The following NUDT5 variants were observed in gnomAD, a reference collection of about 807,000 sequenced individuals.
NUDT5 encodes ADP-sugar pyrophosphatase.
NUDT5 carries 21 observed loss-of-function variants against 34.1 expected under a neutral mutation model. The ratio of observed to expected loss-of-function variants is 0.62; its 90% CI spans 0.44 to 0.89. The LOEUF (loss-of-function observed/expected upper bound fraction) is 0.89, where lower values mean the gene tolerates loss of function less well. NUDT5 is among the 40% of genes least tolerant of loss of function. The probability of loss-of-function intolerance (pLI) is 0.00; values close to 1 mark genes in which losing one functional copy is unlikely to be tolerated. For missense variants in NUDT5, 249 were observed against 274.8 expected (o/e 0.91, Z 0.66); for synonymous variants, 85 against 97.6 (o/e 0.87, Z 0.76).
chr10:12,189,267 G>C (rs188635190), intron 1 of NUDT5, among the ~76,000 whole-genome samples: 1 of 152,040 alleles, frequency 6.6e-6, no homozygotes, highest in Non-Finnish European at 1.5e-5. Flanking sequence ...CACTGCACCC[G>C]GCTAATTTTT....
intron 1 of NUDT5, among the ~76,000 whole-genome samples, chr10:12,189,726 A>C (rs965931866): frequency 6.6e-6 from 1 of 152,236 alleles, no homozygotes; most frequent in African/African-American, 2.4e-5. Context: ...CGTCTCCGCC[A>C]CTGCAACGGA....
chr10:12,188,309 A>G (rs1333663363), intron 1 of NUDT5, among the ~76,000 whole-genome samples: 1 of 152,236 alleles, frequency 6.6e-6, no homozygotes, highest in African/African-American at 2.4e-5. Flanking sequence ...ATTCTAAAAT[A>G]CAATCAATAA....
intron 2 of NUDT5, among the ~76,000 whole-genome samples, chr10:12,185,428 TC>T (rs1432005573): frequency 6.6e-6 from 1 of 152,222 alleles, no homozygotes; most frequent in African/African-American, 2.4e-5. Flanking sequence ...ACAGGGTCCA[TC>T]CAGGATTGGA....
chr10:12,185,880 A>C (rs1047076661), intron 2 of NUDT5, among the ~76,000 whole-genome samples: 10 of 152,210 alleles, frequency 6.6e-5, no homozygotes, highest in African/African-American at 2.4e-4. Flanking sequence ...GTTCTTAAAC[A>C]CTCATGTTAG....
chr10:12,182,133 T>TTA lies in NUDT5; in HGVS notation c.131+2755_131+2756insTA, dbSNP rs1554803231. 5.5e-5 allele frequency among the ~76,000 whole-genome samples: 7 copies of TTA among 126,484 alleles called. No individual in the cohort carries two copies. The highest frequency in any genetic ancestry group is 2.3e-4 in the African/African-American group (7 of 30,242). The allele number at this position is 126,484 out of a possible 152,430, so 83.0% of individuals were successfully genotyped here. On this transcript the variant is annotated intron_variant, in intron 3 of 9. Transcript: ENST00000491614. This position sits in a 1 kb window ranked among gnomAD's most constrained non-coding sequence, Gnocchi z 4.3. The stretch of plus-strand genomic sequence containing the variant: ...AACAGAACAAGACTCTGTCTCAGGG[T>TTA]AAAAAAAAAAAAAAAGAAGGATATA...
Position 12,181,665 on chromosome 10 carries a change from G to A in NUDT5, c.132-2533C>T, listed in dbSNP as rs1835042998. ...CCCTCTGTGGGAGTACCTGCAGAGG[G>A]AAGTCGCCGTGTGCGTGCAAAGGAT... On this transcript the variant is annotated intron_variant, in intron 3 of 9. Coordinates refer to ENST00000491614, the MANE Select transcript of NUDT5 (RefSeq NM_014142.4). This position sits in a 1 kb window ranked among gnomAD's most constrained non-coding sequence, Gnocchi z 5.0. 6.6e-6 allele frequency among the ~76,000 whole-genome samples: 1 copy of A among 152,050 alleles called. No homozygotes were observed. The highest frequency in any genetic ancestry group is 2.4e-5 in the African/African-American group (1 of 41,392).
intron 7 of NUDT5, among the ~76,000 whole-genome samples, chr10:12,172,143 A>G (rs1834869354): frequency 6.6e-6 from 1 of 152,200 alleles, no homozygotes; most frequent in Admixed American, 6.6e-5. Context: ...ACATATAAAT[A>G]CCCCCTTTAA....
At chr10:12,195,607 C>T (rs1437089571) in intron 1 of NUDT5, among the ~76,000 whole-genome samples, 163 bp downstream of exon 1, 1 of 152,242 alleles carries the variant, frequency 6.6e-6, no homozygotes, top group Non-Finnish European at 1.5e-5. Flanking sequence ...CACAATTTCC[C>T]TCCAATCCCC....
chr10:12,177,459 C>T lies in NUDT5; in HGVS notation c.289+334G>A, dbSNP rs531947501. 1.1e-4 allele frequency among the ~76,000 whole-genome samples: 17 copies of T among 152,232 alleles called. No homozygotes were observed. In the East Asian group the frequency reaches 2.1e-3, roughly 19 times the overall value. On this transcript the variant is annotated intron_variant, in intron 5 of 9. Coordinates refer to ENST00000491614, the MANE Select transcript of NUDT5 (RefSeq NM_014142.4). ...GCTTGAACCCAGGAGGCGGAGGTTGCAGTGAGCCGAGATCGTGCCACTGCA... is the reference window on the plus strand; with the variant it reads ...GCTTGAACCCAGGAGGCGGAGGTTGTAGTGAGCCGAGATCGTGCCACTGCA...
At chr10:12,193,502 A>C (rs2131721841) in intron 1 of NUDT5, among the ~76,000 whole-genome samples, 1 of 152,340 alleles carries the variant, frequency 6.6e-6, no homozygotes, top group South Asian at 2.1e-4. Flanking sequence ...AAATATTTCC[A>C]CTGTTGAAAG....
rs765571899 is a variant in NUDT5, at chr10:12,170,822, A to G, written c.497-52T>C. 35 of 1,613,416 alleles carry G rather than the reference A, an allele frequency of 2.2e-5. No individual in the cohort carries two copies. The South Asian group carries it at 3.7e-4, about 17-fold the overall frequency. On this transcript the variant is annotated intron_variant, in intron 8 of 9. Transcript: ENST00000491614. The surrounding 1 kb of genome is among the most constrained non-coding windows in gnomAD (Gnocchi z 4.9). The stretch of plus-strand genomic sequence containing the variant: ...CAAAGCTAACGTCAAGAGCCTACCA[A>G]AACAACCCAAAATGTCTGCAGCCAT...
chr10:12,182,564 G>A lies in NUDT5; in HGVS notation c.131+2325C>T, dbSNP rs142123031. 1.3e-5 allele frequency among the ~76,000 whole-genome samples: 2 copies of A among 152,184 alleles called. No homozygotes were observed. The highest frequency in any genetic ancestry group is 3.9e-4 in the East Asian group (2 of 5,192). ...ACCATGCTATAAATATGGTAGTTTGGTGGATTTTAGAGCCTACTCCCAATC... is the reference window on the plus strand; with the variant it reads ...ACCATGCTATAAATATGGTAGTTTGATGGATTTTAGAGCCTACTCCCAATC... On this transcript the variant is annotated intron_variant, in intron 3 of 9. Coordinates refer to ENST00000491614, the MANE Select transcript of NUDT5 (RefSeq NM_014142.4). The surrounding 1 kb of genome is among the most constrained non-coding windows in gnomAD (Gnocchi z 4.3).
rs11257576 is a variant in NUDT5, at chr10:12,169,971, T to G, written c.550+746A>C. 44,359 of 682,434 alleles carry G rather than the reference T, an allele frequency of 0.065. 1,776 individuals carry two copies. Among genetic ancestry groups the G allele is most frequent in the Non-Finnish European group, 0.083 (32,261 of 389,826 alleles). 42.3% of individuals were successfully genotyped at this position (682,434 alleles called of 1,614,324 possible). Reference sequence around the variant, plus strand: ...ATTCCCATGATGACAAGTGTCTGCTTCTTTCTAGATGAGTGAAAGGGATTT... The same window carrying G: ...ATTCCCATGATGACAAGTGTCTGCTGCTTTCTAGATGAGTGAAAGGGATTT... On this transcript the variant is annotated intron_variant, in intron 9 of 9. Transcript: ENST00000491614. This position sits in a 1 kb window ranked among gnomAD's most constrained non-coding sequence, Gnocchi z 4.8.
intron 1 of NUDT5, among the ~76,000 whole-genome samples, chr10:12,189,341 G>C (rs1213232844): frequency 6.6e-6 from 1 of 152,104 alleles, no homozygotes; most frequent in African/African-American, 2.4e-5. Flanking sequence ...CCTGACCTCA[G>C]GTGATCCACC....
chr10:12,177,564 C>G (rs1320885380), intron 5 of NUDT5, among the ~76,000 whole-genome samples: 1 of 152,142 alleles, frequency 6.6e-6, no homozygotes, highest in Non-Finnish European at 1.5e-5. Flanking sequence ...GGCAGCATTG[C>G]CAAGAGGAGG....
chr10:12,190,024 G>T (rs1835196111), intron 1 of NUDT5, among the ~76,000 whole-genome samples: 1 of 151,842 alleles, frequency 6.6e-6, no homozygotes. Context: ...CTCCCAAGTA[G>T]CTGGGATTAC....
intron 1 of NUDT5, among the ~76,000 whole-genome samples, chr10:12,190,563 A>T (rs1391287418): frequency 6.6e-6 from 1 of 151,614 alleles, no homozygotes; most frequent in African/African-American, 2.4e-5. Context: ...TAAAGGAGGG[A>T]CACACACATC....
Position 12,181,585 on chromosome 10 carries a change from G to C in NUDT5, c.132-2453C>G, listed in dbSNP as rs1315119991. On this transcript the variant is annotated intron_variant, in intron 3 of 9. Transcript: ENST00000491614. This position sits in a 1 kb window ranked among gnomAD's most constrained non-coding sequence, Gnocchi z 5.0. ...GCACATAGGTCTCAGCCCTGTGTAG[G>C]GTGTTGTGGGGAACTGCTGCTGGGC... Among the ~76,000 whole-genome samples, 2 of 152,110 alleles carry C rather than the reference G, an allele frequency of 1.3e-5. No individual in the cohort carries two copies. The highest frequency in any genetic ancestry group is 6.5e-5 in the Admixed American group (1 of 15,278).
Position 12,182,133 on chromosome 10 carries a change from T to C in NUDT5, c.131+2756A>G, listed in dbSNP as rs1281272554. ...AACAGAACAAGACTCTGTCTCAGGG[T>C]AAAAAAAAAAAAAAAGAAGGATATA... On this transcript the variant is annotated intron_variant, in intron 3 of 9. Coordinates refer to ENST00000491614, the MANE Select transcript of NUDT5 (RefSeq NM_014142.4). This position sits in a 1 kb window ranked among gnomAD's most constrained non-coding sequence, Gnocchi z 4.3. Among the ~76,000 whole-genome samples the C allele has an allele frequency of 7.9e-6, 1 of 126,484 alleles. No individual in the cohort carries two copies. The highest frequency in any genetic ancestry group is 3.3e-5 in the African/African-American group (1 of 30,242). 83.0% of individuals were successfully genotyped at this position (126,484 alleles called of 152,430 possible).
Sources: allele counts gnomAD v4.1 joint callset (sites outside exome capture counted in the v4.1 genomes callset), GRCh38; gene constraint gnomAD v4.1.1; non-coding constraint Gnocchi (gnomAD v3.1); transcripts MANE v1.5; gene names NCBI Gene and HGNC (gene_info 2026-07-23, HGNC 2026-07-21).